Variants in BLMH observed in about 807,000 individuals in gnomAD.
BLMH encodes bleomycin hydrolase.
A neutral mutation model predicts 61.6 loss-of-function variants in BLMH; 32 were observed. The observed-to-expected ratio is 0.52, with a 90% CI of 0.39 to 0.70. The LOEUF is 0.70. BLMH is among the 30% of genes least tolerant of loss of function. BLMH has a pLI of 0.00. For synonymous variants in BLMH, 183 were observed against 193.8 expected (o/e 0.94, Z 0.46); for missense variants, 460 against 555.5 (o/e 0.83, Z 1.73).
At chr17:30,272,514 A>G (rs2143021960) in intron 9 of BLMH, 47 bp downstream of exon 9, 1 of 1,605,594 alleles carries the variant, frequency 6.2e-7, no homozygotes, top group East Asian at 2.2e-5. Flanking sequence ...ACACTCCAAC[A>G]GCAACAACCC....
intron 6 of BLMH, among the ~76,000 whole-genome samples, chr17:30,281,868 A>G (rs1291408284): frequency 6.6e-6 from 1 of 152,240 alleles, no homozygotes; most frequent in Non-Finnish European, 1.5e-5. Flanking sequence ...AGATGTCTTT[A>G]AAATAAAAAT....
rs1907598387 is a variant in BLMH, at chr17:30,248,903, A to C, written c.*114T>G. On this transcript the variant is annotated 3_prime_UTR_variant, in exon 12 of 12. Coordinates refer to ENST00000261714, the MANE Select transcript of BLMH (RefSeq NM_000386.4). ...GTTCCTGGTGGAGACTGGAAATCTG[A>C]CTGTGTCCTGTGGCAACACACAGTC... 7.5e-7 allele frequency: 1 copy of C among 1,324,746 alleles called. No homozygotes were observed. Among genetic ancestry groups the C allele is most frequent in the African/African-American group, 1.5e-5 (1 of 68,038 alleles). 82.1% of individuals were successfully genotyped at this position (1,324,746 alleles called of 1,614,324 possible). A position where few individuals can be genotyped will look rare whatever the true frequency, so the allele number is the denominator to read the frequency against.
chr17:30,274,232 TA>T (rs766457116), intron 6 of BLMH, 35 bp from the exon 7 acceptor site: 79 of 1,597,922 alleles, frequency 4.9e-5, no homozygotes, highest in Non-Finnish European at 1.7e-5. Flanking sequence ...GAGCAATGGT[TA>T]GGGGGAAATG....
At chr17:30,267,709 G>A (rs1051937969) in intron 10 of BLMH, among the ~76,000 whole-genome samples, 5 of 152,130 alleles carry the variant, frequency 3.3e-5, no homozygotes, top group Admixed American at 2.0e-4. Context: ...TTACTATAGT[G>A]ACACAGAGAG....
rs377358564 is a variant in BLMH at position 30,274,109 on chromosome 17, A to G, written c.734T>C (p.Ile245Thr). 8 of 1,613,976 alleles carry G rather than the reference A, an allele frequency of 5.0e-6. No individual in the cohort carries two copies. Among genetic ancestry groups the G allele is most frequent in the African/African-American group, 1.3e-5 (1 of 74,898 alleles). The stretch of plus-strand genomic sequence containing the variant: ...AAACTCCAAGGGTGTTATGGGGCCA[A>G]TTTTCTGATAATTTTTATCTTTGTC... Reference protein sequence around the residue: ...YRDKDKNYQKIGPITPLEFYR... With the variant: ...YRDKDKNYQKTGPITPLEFYR... The change falls in exon 7 of 12, where the codon ATT (isoleucine) becomes ACT (threonine). Residue 245 changes from isoleucine (I) to threonine (T), a missense_variant. Ile to Thr is a moderately conservative substitution (Grantham distance 89). Transcript: ENST00000261714.
At chr17:30,253,501 G>A (rs1320978054) in intron 11 of BLMH, among the ~76,000 whole-genome samples, 1 of 152,118 alleles carries the variant, frequency 6.6e-6, no homozygotes, top group Non-Finnish European at 1.5e-5. Flanking sequence ...CGTAACTGTT[G>A]ACACTGTGTG....
chr17:30,278,744 G>A (rs1222565453), intron 6 of BLMH, among the ~76,000 whole-genome samples: 4 of 152,076 alleles, frequency 2.6e-5, no homozygotes, highest in Non-Finnish European at 4.4e-5. Flanking sequence ...ATCTCGGCTC[G>A]CTGCAACCTC....
At position 30,271,343 on chromosome 17, in the gene BLMH, A is replaced by G; in HGVS notation, c.1074T>C (p.Asn358=). ...CACCAAAAGTCAGCCTCTCCGCTTT[A>G]TTCATGTTCTTCAAGGAGACACCAA... ...LVFGVSLKNM[N]KAERLTFGES... is the part of the protein sequence containing the mutation. The change falls in exon 10 of 12, where the codon AAT becomes AAC. Residue 358 remains asparagine (N), a synonymous_variant. Coordinates refer to ENST00000261714, the MANE Select transcript of BLMH (RefSeq NM_000386.4). 8 of 1,614,154 alleles carry G rather than the reference A, an allele frequency of 5.0e-6. No homozygotes were observed. The highest frequency in any genetic ancestry group is 6.8e-6 in the Non-Finnish European group (8 of 1,179,996).
At chr17:30,273,356 G>A (rs1218805523) in intron 7 of BLMH, 2 of 161,110 alleles carry the variant, frequency 1.2e-5, no homozygotes, top group Non-Finnish European at 2.7e-5. Flanking sequence ...TAGTAGAGAC[G>A]GAGTTTCACC....
chr17:30,256,576 C>T (rs1284308878), intron 11 of BLMH, among the ~76,000 whole-genome samples: 1 of 152,144 alleles, frequency 6.6e-6, no homozygotes, highest in Non-Finnish European at 1.5e-5. Context: ...GTGATCTACC[C>T]ACCTCGGCCT....
At chr17:30,290,151 C>T (rs74960325) in intron 2 of BLMH, among the ~76,000 whole-genome samples, 4,192 of 152,314 alleles carry the variant, frequency 0.028, 190 homozygotes, top group African/African-American at 0.095. Context: ...CTTTACCTTA[C>T]ATTTACCTGT....
intron 6 of BLMH, among the ~76,000 whole-genome samples, chr17:30,281,746 C>A (rs1440696325): frequency 1.3e-5 from 2 of 152,160 alleles, no homozygotes; most frequent in Non-Finnish European, 2.9e-5. Flanking sequence ...TAGCTCACTG[C>A]AGCCTGGAAT....
chr17:30,272,660 C>T, intron 8 of BLMH, 32 bp from the exon 9 acceptor site: 2 of 1,614,074 alleles, frequency 1.2e-6, no homozygotes, highest in South Asian at 2.2e-5. Context: ...AGAAAGTCAA[C>T]ATAAACCCCA....
At chr17:30,273,950 C>A in intron 7 of BLMH, 92 bp downstream of exon 7, 1 of 1,472,704 alleles carries the variant, frequency 6.8e-7, no homozygotes, top group South Asian at 1.2e-5. Context: ...GTTTGATACT[C>A]ATACATGCTA....
chr17:30,253,420 C>G (rs1369317156), intron 11 of BLMH, among the ~76,000 whole-genome samples: 1 of 152,166 alleles, frequency 6.6e-6, no homozygotes, highest in Non-Finnish European at 1.5e-5. Flanking sequence ...CTTTGGGGAC[C>G]CACAAAAACC....
At chr17:30,274,340 C>T (rs1365279281) in intron 6 of BLMH, 143 bp from the exon 7 acceptor site, 15 of 934,012 alleles carry the variant, frequency 1.6e-5, no homozygotes, top group Admixed American at 3.0e-5. Context: ...TCTAATACTG[C>T]GTCAAAAACT....
At chr17:30,291,561 T>G (rs1908890313) in intron 1 of BLMH, 53 bp from the exon 2 acceptor site, 1 of 1,593,582 alleles carries the variant, frequency 6.3e-7, no homozygotes, top group African/African-American at 1.3e-5. Context: ...AAAGGGCTGA[T>G]CTGGGGCTCC....
chr17:30,261,193 G>A (rs927676448), intron 11 of BLMH, among the ~76,000 whole-genome samples: 1 of 152,128 alleles, frequency 6.6e-6, no homozygotes, highest in South Asian at 2.1e-4. Context: ...GGGAATTTTA[G>A]GGAAGCTGTC....
intron 11 of BLMH, among the ~76,000 whole-genome samples, chr17:30,264,781 T>G (rs1486387800): frequency 1.3e-5 from 2 of 152,230 alleles, no homozygotes; most frequent in East Asian, 1.9e-4. Flanking sequence ...GGGGGTTCAT[T>G]GGAAGCAACA....
Sources: gnomAD v4.1 joint callset for allele counts (sites outside exome capture counted in the v4.1 genomes callset) on GRCh38, gnomAD v4.1.1 for gene constraint, MANE v1.5 for transcripts, NCBI Gene and HGNC (gene_info 2026-07-23, HGNC 2026-07-21) for gene names.